The following CLYBL variants were observed in gnomAD, a reference collection of about 807,000 sequenced individuals.
The protein encoded by CLYBL is citramalyl-CoA lyase, also known as citramalyl-CoA lyase, mitochondrial.
A neutral mutation model predicts 38.9 loss-of-function variants in CLYBL; 31 were observed. The observed-to-expected ratio is 0.80, with a 90% confidence interval of 0.60 to 1.08. The LOEUF is 1.08. CLYBL is among the 50% of genes least tolerant of loss of function. The probability of loss-of-function intolerance (pLI) is 0.00; values close to 1 mark genes in which losing one functional copy is unlikely to be tolerated. For missense variants in CLYBL, 434 were observed against 411.6 expected, an observed-to-expected ratio of 1.05 and a Z score of -0.47; for synonymous variants, 171 against 158.6, an observed-to-expected ratio of 1.08 and a Z score of -0.59.
chr13:99,621,116 C>T (rs968317937), intron 1 of CLYBL, among the ~76,000 whole-genome samples: 5 of 152,182 alleles, frequency 3.3e-5, no homozygotes, highest in Admixed American at 6.5e-5. Context: ...CGTTAAACCT[C>T]TTCTCCCCAC....
At chr13:99,664,058 A>C (rs1424901792) in intron 1 of CLYBL, among the ~76,000 whole-genome samples, 2 of 152,222 alleles carry the variant, frequency 1.3e-5, no homozygotes, top group Non-Finnish European at 2.9e-5. Context: ...AAAGAGAAAA[A>C]GTCAGTGGTT....
chr13:99,714,019 G>C (rs1327615444), intron 1 of CLYBL, among the ~76,000 whole-genome samples: 1 of 150,704 alleles, frequency 6.6e-6, no homozygotes, highest in East Asian at 1.9e-4. Context: ...ACAGGGTCTT[G>C]CTCTGTCACC....
intron 2 of CLYBL, among the ~76,000 whole-genome samples, chr13:99,797,296 C>A (rs1475533541): frequency 6.6e-6 from 1 of 152,066 alleles, no homozygotes; most frequent in African/African-American, 2.4e-5. Context: ...TGGGATCTTA[C>A]AGTATATTTA....
chr13:99,836,800 A>AAAC (rs1465935958), intron 2 of CLYBL, among the ~76,000 whole-genome samples: 1 of 152,140 alleles, frequency 6.6e-6, no homozygotes, highest in African/African-American at 2.4e-5. Context: ...AGTTGGAACC[A>AAAC]AACACCGCAT....
At chr13:99,835,698 A>G (rs2050919040) in intron 2 of CLYBL, among the ~76,000 whole-genome samples, 1 of 152,170 alleles carries the variant, frequency 6.6e-6, no homozygotes, top group South Asian at 2.1e-4. Flanking sequence ...GCATTTTTGC[A>G]TCCCCAGGAC....
chr13:99,768,728 G>T (rs2049323866), intron 1 of CLYBL, among the ~76,000 whole-genome samples: 1 of 151,426 alleles, frequency 6.6e-6, no homozygotes, highest in East Asian at 2.0e-4. Context: ...GGCTAGGCTG[G>T]TATCAAACTC....
At chr13:99,750,120 A>G (rs1688516140) in intron 1 of CLYBL, among the ~76,000 whole-genome samples, 1 of 152,220 alleles carries the variant, frequency 6.6e-6, no homozygotes, top group South Asian at 2.1e-4. Context: ...CACAGGCCAT[A>G]CAACACAGAA....
chr13:99,904,985 C>G (rs534408979), intron 8 of CLYBL, among the ~76,000 whole-genome samples: 51 of 152,224 alleles, frequency 3.4e-4, no homozygotes, highest in African/African-American at 1.2e-3. Flanking sequence ...AACAGTACAC[C>G]TCCCCCACCT....
chr13:99,606,755 G>A lies in CLYBL; in HGVS notation c.60G>A (p.Arg20=). The stretch of plus-strand genomic sequence containing the variant: ...GAGCTGCGGCGGCGGCGCTGCTGAG[G>A]CTGTGAGTGCAGGTCCCCGTTCCCC... ...ARGAAAAALL[R]LKASLAADIP... is the part of the protein sequence containing the mutation. Residue 20 remains arginine (R), a splice_region_variant and synonymous_variant, in exon 1 of 9, where the codon AGG becomes AGA. Coordinates refer to ENST00000339105, the MANE Select transcript of CLYBL (RefSeq NM_206808.5). The A allele has an allele frequency of 6.8e-7, 1 of 1,475,708 alleles. No homozygotes were observed. The highest frequency in any genetic ancestry group is 1.3e-5 in the South Asian group (1 of 77,124). 91.4% of individuals were successfully genotyped at this position (1,475,708 alleles called of 1,614,324 possible). A position where few individuals can be genotyped will look rare whatever the true frequency, so the allele number is the denominator to read the frequency against.
chr13:99,741,696 T>C (rs4581571), intron 1 of CLYBL, among the ~76,000 whole-genome samples: 147,641 of 152,264 alleles, frequency 0.97, 71,774 homozygotes, highest in East Asian at 1. Flanking sequence ...AGGCTGGTCT[T>C]GAACTCCTGA....
chr13:99,883,536 A>T (rs1223866736), intron 7 of CLYBL, among the ~76,000 whole-genome samples: 2 of 150,332 alleles, frequency 1.3e-5, no homozygotes, highest in East Asian at 3.9e-4. Context: ...AAAAAAAAAT[A>T]GCAGAACCAA....
chr13:99,766,289 C>T (rs1000438668), intron 1 of CLYBL, among the ~76,000 whole-genome samples: 1 of 152,116 alleles, frequency 6.6e-6, no homozygotes, highest in African/African-American at 2.4e-5. Context: ...TCTGCTTGAT[C>T]CATTCTTCTT....
At chr13:99,770,369 G>C (rs931122609) in intron 1 of CLYBL, among the ~76,000 whole-genome samples, 2 of 152,278 alleles carry the variant, frequency 1.3e-5, no homozygotes, top group East Asian at 3.9e-4. Flanking sequence ...CCAGGGTAGA[G>C]TACAGTGGCG....
At chr13:99,908,406 C>T (rs532029189) in exon 10 of CLYBL, among the ~76,000 whole-genome samples, 1 of 152,354 alleles carries the variant, frequency 6.6e-6, no homozygotes, top group East Asian at 1.9e-4. Context: ...GCCAAGTGTA[C>T]TCTGTCATCA....
chr13:99,767,789 G>A (rs1427182293), intron 1 of CLYBL, among the ~76,000 whole-genome samples: 1 of 152,182 alleles, frequency 6.6e-6, no homozygotes, highest in Admixed American at 6.5e-5. Flanking sequence ...TCTGGGGTTT[G>A]TGGTATCTTT....
Position 99,648,532 on chromosome 13 carries a change from G to C in CLYBL, c.62+41775G>C, listed in dbSNP as rs562704953. Among the ~76,000 whole-genome samples the C allele has an allele frequency of 2.0e-5, 3 of 152,288 alleles. No homozygotes were observed. In the East Asian group the frequency reaches 5.8e-4, roughly 29 times the overall value. On this transcript the variant is annotated intron_variant, in intron 1 of 8. Coordinates refer to ENST00000339105, the MANE Select transcript of CLYBL (RefSeq NM_206808.5). ...TGATGATAATCTGATTAGTGGAGCT[G>C]CCTGCGTTACTATTTAAAGGCCCCT...
intron 2 of CLYBL, among the ~76,000 whole-genome samples, chr13:99,830,372 C>G (rs1454402143): frequency 6.6e-6 from 1 of 152,202 alleles, no homozygotes; most frequent in Non-Finnish European, 1.5e-5. Flanking sequence ...AGGACAGGCA[C>G]TGACGCACAT....
At chr13:99,828,482 G>C (rs993786562) in intron 2 of CLYBL, among the ~76,000 whole-genome samples, 25 of 152,094 alleles carry the variant, frequency 1.6e-4, no homozygotes, top group African/African-American at 6.0e-4. Flanking sequence ...ACTCTAAAAT[G>C]GTATCATTTC....
chr13:99,635,283 T>C (rs1401950133), intron 1 of CLYBL, among the ~76,000 whole-genome samples: 2 of 152,120 alleles, frequency 1.3e-5, no homozygotes, highest in Non-Finnish European at 2.9e-5. Context: ...TTCTCTGTCA[T>C]GATTTTTATA....
Sources: allele counts gnomAD v4.1 joint callset (sites outside exome capture counted in the v4.1 genomes callset), GRCh38; gene constraint gnomAD v4.1.1; transcripts MANE v1.5; gene names NCBI Gene and HGNC (gene_info 2026-07-23, HGNC 2026-07-21).